SDHB: variants seen among roughly 807,000 people sequenced by gnomAD.
SDHB encodes succinate dehydrogenase [ubiquinone] iron-sulfur subunit, mitochondrial.
SDHB carries 21 observed loss-of-function variants against 39.7 expected under a neutral mutation model. The ratio of observed to expected loss-of-function variants is 0.53; its 90% CI spans 0.37 to 0.76. SDHB has a LOEUF of 0.76. Among genes scored for constraint, SDHB ranks in the 30% least tolerant of loss-of-function variants. The pLI, the probability that SDHB is intolerant of heterozygous loss-of-function variation, is 0.00. For missense variants in SDHB, 343 were observed against 350.9 expected (o/e 0.98, Z 0.18); for synonymous variants, 118 against 117.0 (o/e 1.01, Z -0.06).
At chr1:17,052,797 C>A (rs1442805549) in intron 1 of SDHB, among the ~76,000 whole-genome samples, 1 of 152,164 alleles carries the variant, frequency 6.6e-6, no homozygotes, top group Non-Finnish European at 1.5e-5. Context: ...CCATAGCAGG[C>A]ACTTAAGATG....
intron 6 of SDHB, 134 bp downstream of exon 6, chr1:17,023,839 A>G: frequency 1.4e-6 from 1 of 719,428 alleles, no homozygotes; most frequent in Non-Finnish European, 2.5e-6. Context: ...GCAACCAATT[A>G]CCCTGTTTGG....
intron 7 of SDHB, among the ~76,000 whole-genome samples, chr1:17,020,830 T>G (rs1014528165): frequency 5.9e-5 from 9 of 152,064 alleles, no homozygotes; most frequent in African/African-American, 2.2e-4. Flanking sequence ...GCCCAGGCAA[T>G]AGGGAGCTGA....
At chr1:17,037,939 C>A (rs1434905192) in intron 2 of SDHB, among the ~76,000 whole-genome samples, 1 of 152,146 alleles carries the variant, frequency 6.6e-6, no homozygotes, top group Non-Finnish European at 1.5e-5. Context: ...GAGTTCGAGA[C>A]CAGCCTGACC....
intron 1 of SDHB, among the ~76,000 whole-genome samples, chr1:17,047,160 A>G (rs563198559): frequency 6.6e-6 from 1 of 152,292 alleles, no homozygotes; most frequent in East Asian, 1.9e-4. Context: ...GTTCAAGACC[A>G]GCCTGGCCAA....
chr1:17,027,066 G>T (rs2077994906), intron 5 of SDHB, among the ~76,000 whole-genome samples: 1 of 152,240 alleles, frequency 6.6e-6, no homozygotes, highest in Non-Finnish European at 1.5e-5. Flanking sequence ...AGACCTGCAG[G>T]TGGGGCTCTG....
rs909996478 is a variant in SDHB at position 17,053,566 on chromosome 1, T to C, written c.72+382A>G. Among the ~76,000 whole-genome samples the C allele has an allele frequency of 8.5e-5, 13 of 152,230 alleles. No individual in the cohort carries two copies. The East Asian group carries it at 2.5e-3, about 29-fold the overall frequency. ...TCCCATCCTTCACACCCCGCAGGTCTCCCTTTTCTACAGAGGCGATAGTTT... is the reference window on the plus strand; with the variant it reads ...TCCCATCCTTCACACCCCGCAGGTCCCCCTTTTCTACAGAGGCGATAGTTT... On this transcript the variant is annotated intron_variant, in intron 1 of 7. Coordinates refer to ENST00000375499, the MANE Select transcript of SDHB (RefSeq NM_003000.3).
Position 17,023,985 on chromosome 1 carries a change from T to C in SDHB, c.630A>G (p.Ala210=). The change falls in exon 6 of 8, where the codon GCA becomes GCG. Residue 210 remains alanine, a synonymous_variant. Coordinates refer to ENST00000375499, the MANE Select transcript of SDHB (RefSeq NM_003000.3). ...AGGAGCACCTCACCTGCATAAGAAC[T>C]GCAGGCCCCAGATATTTGTCTCCGT... The part of the protein sequence containing the change: ...WWNGDKYLGP[A]VLMQAYRWMI... The C allele has an allele frequency of 6.2e-7, 1 of 1,613,226 alleles. No homozygotes were observed. The highest frequency in any genetic ancestry group is 1.1e-5 in the South Asian group (1 of 91,068).
chr1:17,022,552 G>A (rs2077967421), intron 7 of SDHB, 56 bp downstream of exon 7: 2 of 1,608,444 alleles, frequency 1.2e-6, no homozygotes, highest in Non-Finnish European at 1.7e-6. Flanking sequence ...GTGAGCACAT[G>A]CTACTTCTGG....
intron 3 of SDHB, chr1:17,032,803 G>A: frequency 3.8e-6 from 2 of 531,342 alleles, no homozygotes; most frequent in South Asian, 2.0e-5. Context: ...TTGAAGCGTG[G>A]AGCAGCTCAC....
At position 17,033,158 on chromosome 1, in the gene SDHB, A is replaced by C; in HGVS notation, c.201-13T>G. The C allele has an allele frequency of 4.4e-6, 7 of 1,586,128 alleles. No homozygotes were observed. The highest frequency in any genetic ancestry group is 6.1e-6 in the Non-Finnish European group (7 of 1,154,656). On this transcript the variant is annotated splice_polypyrimidine_tract_variant and intron_variant, in intron 2 of 7. Coordinates refer to ENST00000375499, the MANE Select transcript of SDHB (RefSeq NM_003000.3). ...CATGGGGCCACATCTAACAAAGAAA[A>C]ATATCCAGTGGTATTTATGTAACGT...
Position 17,053,944 on chromosome 1 carries a change from T to G in SDHB, c.72+4A>C. On this transcript the variant is annotated splice_donor_region_variant and intron_variant, in intron 1 of 7. Coordinates refer to ENST00000375499, the MANE Select transcript of SDHB (RefSeq NM_003000.3). ...TTTTCCCTCTCTGAGGCTCCAGGACTCACCTGCAGGCAGGCTCCGCCAAGG... is the reference window on the plus strand; with the variant it reads ...TTTTCCCTCTCTGAGGCTCCAGGACGCACCTGCAGGCAGGCTCCGCCAAGG... 6.2e-7 allele frequency: 1 copy of G among 1,611,304 alleles called. No individual in the cohort carries two copies. Among genetic ancestry groups the G allele is most frequent in the Non-Finnish European group, 8.5e-7 (1 of 1,178,204 alleles).
chr1:17,042,576 G>C (rs1294692479), intron 2 of SDHB, among the ~76,000 whole-genome samples: 2 of 152,104 alleles, frequency 1.3e-5, no homozygotes, highest in Non-Finnish European at 2.9e-5. Context: ...CCAGGAGTTT[G>C]AGACCAGGCT....
chr1:17,022,715 T>C lies in SDHB; in HGVS notation c.658A>G (p.Ile220Val), dbSNP rs1188548211. The C allele has an allele frequency of 1.9e-6, 3 of 1,613,736 alleles. No homozygotes were observed. The highest frequency in any genetic ancestry group is 2.7e-5 in the African/African-American group (2 of 75,012). ...AVLMQAYRWM[I>V]DSRDDFTEER... is the part of the protein sequence containing the mutation. ...TCTGTGAAGTCATCTCTGGAGTCAA[T>C]CATCCAGCGATAGGCCTGGAAAACC... Residue 220 changes from isoleucine (I) to valine (V), a missense_variant, in exon 7 of 8, where the codon ATT (isoleucine) becomes GTT (valine). Transcript: ENST00000375499.
intron 1 of SDHB, among the ~76,000 whole-genome samples, chr1:17,049,421 C>A (rs1186272730): frequency 6.6e-6 from 1 of 151,936 alleles, no homozygotes; most frequent in Admixed American, 6.6e-5. Context: ...TCTCAGCCAC[C>A]CGGGTAGCTG....
chr1:17,021,286 G>A (rs2077960927), intron 7 of SDHB, among the ~76,000 whole-genome samples: 2 of 152,216 alleles, frequency 1.3e-5, no homozygotes, highest in Admixed American at 1.3e-4. Flanking sequence ...CCTGATAAAA[G>A]GATGAGTTTG....
intron 2 of SDHB, among the ~76,000 whole-genome samples, chr1:17,039,124 G>A (rs983153716): frequency 2.1e-4 from 32 of 151,914 alleles, no homozygotes; most frequent in African/African-American, 3.9e-4. Context: ...AGTTATTGAC[G>A]TGGCCGGATT....
intron 1 of SDHB, among the ~76,000 whole-genome samples, chr1:17,046,185 C>G (rs1388495730): frequency 6.6e-6 from 1 of 152,118 alleles, no homozygotes; most frequent in East Asian, 1.9e-4. Flanking sequence ...ACCAAGCTGG[C>G]TAAAATCATC....
chr1:17,027,119 A>G (rs908416060), intron 5 of SDHB, among the ~76,000 whole-genome samples: 2 of 152,144 alleles, frequency 1.3e-5, no homozygotes, highest in Non-Finnish European at 2.9e-5. Context: ...ACAAGTATGC[A>G]GGGAGTATGC....
At chr1:17,022,564 G>A (rs781329558) in intron 7 of SDHB, 44 bp downstream of exon 7, 32 of 1,610,890 alleles carry the variant, frequency 2.0e-5, no homozygotes, top group Admixed American at 8.3e-5. Flanking sequence ...TACTTCTGGC[G>A]TGTCAGCTCT....
Sources: allele counts gnomAD v4.1 joint callset (sites outside exome capture counted in the v4.1 genomes callset), GRCh38; gene constraint gnomAD v4.1.1; transcripts MANE v1.5; gene names NCBI Gene and HGNC (gene_info 2026-07-23, HGNC 2026-07-21).